ZSWIM4: variants seen among roughly 807,000 people sequenced by gnomAD.
The protein encoded by ZSWIM4 is zinc finger SWIM-type containing 4.
In ZSWIM4, 62 loss-of-function variants were observed where a neutral mutation model predicts 102.5. The observed-to-expected ratio is 0.60, with a 90% CI of 0.49 to 0.75. The LOEUF (loss-of-function observed/expected upper bound fraction) is 0.75. Among genes scored for constraint, ZSWIM4 ranks in the 30% least tolerant of loss-of-function variants. The pLI is 0.00. For missense variants in ZSWIM4, 1,280 were observed against 1,529.6 expected, an observed-to-expected ratio of 0.84 and a Z score of 2.72; for synonymous variants, 652 against 674.5, an observed-to-expected ratio of 0.97 and a Z score of 0.52.
chr19:13,808,758 AAAAG>A lies in ZSWIM4; in HGVS notation c.713-77_713-74del. ...CCGTCTCCAAAAAAAAAAAAAAAAA[AAAAG>A]GACAGCTCTCCTCAACCCAACCCAA... On this transcript the variant is annotated intron_variant, in intron 3 of 13. Transcript: ENST00000590508. 4 of 1,353,938 alleles carry A rather than the reference AAAAG, an allele frequency of 3.0e-6. No individual in the cohort carries two copies. The South Asian group carries it at 6.3e-5, about 21-fold the overall frequency. 83.9% of individuals were successfully genotyped at this position (1,353,938 alleles called of 1,614,324 possible).
rs760747804 is a variant in ZSWIM4 at position 13,825,739 on chromosome 19, AGGGCGATGGTGGCTC to A, written c.2379+30_2379+44del. ...GTGAGGGCTGCCAGGTGGATGCGGG[AGGGCGATGGTGGCTC>A]GGGGCCAGGACTGACTGTGAGCTGC... On this transcript the variant is annotated intron_variant, in intron 12 of 13. Coordinates refer to ENST00000590508, the MANE Select transcript of ZSWIM4 (RefSeq NM_001367834.3). The surrounding 1 kb of genome is among the most constrained non-coding windows in gnomAD (Gnocchi z 4.6). The A allele has an allele frequency of 4.4e-6, 7 of 1,595,334 alleles. No individual in the cohort carries two copies. The highest frequency in any genetic ancestry group is 2.7e-5 in the African/African-American group (2 of 74,792).
Position 13,823,509 on chromosome 19 carries a change from G to T in ZSWIM4, c.2215+9G>T, listed in dbSNP as rs371152133. On this transcript the variant is annotated intron_variant, in intron 11 of 13. Coordinates refer to ENST00000590508, the MANE Select transcript of ZSWIM4 (RefSeq NM_001367834.3). Reference sequence around the variant, plus strand: ...GTTGACGGCCGCCAAGGGTGAGGCTGGCAGCTGTCCCGATTCCTTTGTCTT... The same window carrying T: ...GTTGACGGCCGCCAAGGGTGAGGCTTGCAGCTGTCCCGATTCCTTTGTCTT... 2.6e-6 allele frequency: 4 copies of T among 1,559,084 alleles called. No homozygotes were observed. The African/African-American group carries it at 5.5e-5, about 21-fold the overall frequency.
intron 1 of ZSWIM4, 30 bp from the exon 2 acceptor site, chr19:13,799,690 A>G: frequency 6.2e-7 from 1 of 1,609,730 alleles, no homozygotes; most frequent in Non-Finnish European, 8.5e-7. Flanking sequence ...CATCAACCCC[A>G]GGCTCCTAAC....
chr19:13,800,085 T>TTTTTTTTTTTTTTTTTTTTTAG, intron 2 of ZSWIM4, among the ~76,000 whole-genome samples, 164 bp downstream of exon 2: 1 of 146,668 alleles, frequency 6.8e-6, no homozygotes, highest in African/African-American at 2.6e-5. Context: ...TTTTTTTTTT[T>TTTTTTTTTTTTTTTTTTTTTAG]GAGACGGAGT....
chr19:13,818,964 G>C (rs1165732172), intron 9 of ZSWIM4, among the ~76,000 whole-genome samples: 1 of 151,176 alleles, frequency 6.6e-6, no homozygotes. Context: ...CCGGGTTCAC[G>C]CCATTCTCCT....
At chr19:13,821,099 C>T (rs1568341643) in intron 10 of ZSWIM4, among the ~76,000 whole-genome samples, 1 of 152,052 alleles carries the variant, frequency 6.6e-6, no homozygotes, top group African/African-American at 2.4e-5. Context: ...GCCTGGCCAA[C>T]ATAGTGAAAA....
chr19:13,828,703 T>C lies in ZSWIM4; in HGVS notation c.2438T>C (p.Leu813Pro), dbSNP rs1975677305. The change falls in exon 13 of 14, where the codon CTG (leucine) becomes CCG (proline). Residue 813 changes from leucine to proline, a missense_variant. Coordinates refer to ENST00000590508, the MANE Select transcript of ZSWIM4 (RefSeq NM_001367834.3). ...CGGCGGAGGGAGATGGTGCGCTGGC[T>C]GGTCAGCTGTGCCACAGAGATTGGT... ...TWRRREMVRW[L>P]VSCATEIGPQ... The C allele has an allele frequency of 6.2e-7, 1 of 1,614,156 alleles. No homozygotes were observed. Among genetic ancestry groups the C allele is most frequent in the Non-Finnish European group, 8.5e-7 (1 of 1,180,014 alleles).
chr19:13,808,802 CCAGCCT>C, intron 3 of ZSWIM4, 28 bp from the exon 4 acceptor site: 1 of 1,557,796 alleles, frequency 6.4e-7, no homozygotes. Context: ...AACTCCAGCC[CCAGCCT>C]CAGCTTCCTT....
At chr19:13,796,751 C>G (rs1974622554) in intron 1 of ZSWIM4, 1 of 152,256 alleles carries the variant, frequency 6.6e-6, no homozygotes, top group African/African-American at 2.4e-5. Flanking sequence ...TCCCCTTTTT[C>G]AGCTTCAGTG....
chr19:13,810,862 G>A (rs549397726), intron 5 of ZSWIM4, among the ~76,000 whole-genome samples: 33 of 147,512 alleles, frequency 2.2e-4, no homozygotes, highest in Non-Finnish European at 4.0e-4. Context: ...CGCCCGCCTC[G>A]GCTTCCCAAA....
intron 5 of ZSWIM4, among the ~76,000 whole-genome samples, chr19:13,810,538 G>A (rs897360577): frequency 5.9e-5 from 9 of 151,954 alleles, no homozygotes; most frequent in African/African-American, 1.9e-4. Flanking sequence ...TGATCCACCC[G>A]CCTCAGCCTC....
chr19:13,817,304 G>C lies in ZSWIM4; in HGVS notation c.1620G>C (p.Ala540=), dbSNP rs944226861. The change falls in exon 8 of 14, where the codon GCG becomes GCC. Residue 540 remains alanine (A), a synonymous_variant. Transcript: ENST00000590508. ...ACCCCATTGGCTGCCTCTGCAGGGC[G>C]CTCCTGGAGGCCTGTCGTCTGGAGG... ...PLDPIGCLCR[A]LLEACRLEEE... 7 of 1,613,982 alleles carry C rather than the reference G, an allele frequency of 4.3e-6. No individual in the cohort carries two copies. The Middle Eastern group carries it at 9.9e-4, about 228-fold the overall frequency.
At chr19:13,829,003 A>C (rs1338086760) in intron 13 of ZSWIM4, among the ~76,000 whole-genome samples, 1 of 151,668 alleles carries the variant, frequency 6.6e-6, no homozygotes, top group African/African-American at 2.4e-5. Context: ...GGGAGGCTGA[A>C]GCAGGAGGAT....
chr19:13,800,854 G>A (rs543756356), intron 2 of ZSWIM4, among the ~76,000 whole-genome samples: 3 of 152,244 alleles, frequency 2.0e-5, no homozygotes, highest in African/African-American at 7.2e-5. Flanking sequence ...TGTAAAGGAG[G>A]GGTGAGGCCA....
At chr19:13,812,542 C>T (rs1362773905) in intron 5 of ZSWIM4, among the ~76,000 whole-genome samples, 1 of 151,276 alleles carries the variant, frequency 6.6e-6, no homozygotes, top group Non-Finnish European at 1.5e-5. Flanking sequence ...TCCCTGCAAC[C>T]TCCACCTCCC....
Position 13,809,217 on chromosome 19 carries a change from C to A in ZSWIM4, c.1009C>A (p.Leu337Met). The A allele has an allele frequency of 6.2e-7, 1 of 1,601,010 alleles. No individual in the cohort carries two copies. The highest frequency in any genetic ancestry group is 1.1e-5 in the South Asian group (1 of 90,590). ...TDKCRQLWDE[L>M]GALWVCVVLS... is the part of the protein sequence containing the mutation. ...CAAGTGCCGGCAGCTCTGGGATGAGCTGGGTGAGGCCCAAACCCCGGTGCG... is the reference window on the plus strand; with the variant it reads ...CAAGTGCCGGCAGCTCTGGGATGAGATGGGTGAGGCCCAAACCCCGGTGCG... The change falls in exon 5 of 14, where the codon CTG (leucine) becomes ATG (methionine). Residue 337 changes from leucine to methionine, a missense_variant. Leu to Met is a conservative substitution (Grantham distance 15). Coordinates refer to ENST00000590508, the MANE Select transcript of ZSWIM4 (RefSeq NM_001367834.3). The surrounding 1 kb of genome is among the most constrained non-coding windows in gnomAD (Gnocchi z 4.2).
rs148770836 is a variant in ZSWIM4 at position 13,825,692 on chromosome 19, C to T, written c.2358C>T (p.Ile786=). Reference sequence around the variant, plus strand: ...CACCAGACACCACGCTGCTGGGCATCGCACTGGAGCTGGGGCTGCAGGTGA... The same window carrying T: ...CACCAGACACCACGCTGCTGGGCATTGCACTGGAGCTGGGGCTGCAGGTGA... ...SAPPDTTLLG[I]ALELGLQVMR... The change falls in exon 12 of 14, where the codon ATC becomes ATT. Residue 786 remains isoleucine (I), a synonymous_variant. Coordinates refer to ENST00000590508, the MANE Select transcript of ZSWIM4 (RefSeq NM_001367834.3). The surrounding 1 kb of genome is among the most constrained non-coding windows in gnomAD (Gnocchi z 4.6). The T allele has an allele frequency of 1.9e-5, 31 of 1,610,734 alleles. No homozygotes were observed. Among genetic ancestry groups the T allele is most frequent in the South Asian group, 3.3e-5 (3 of 91,048 alleles).
chr19:13,828,194 A>G (rs1476079775), intron 12 of ZSWIM4, among the ~76,000 whole-genome samples: 1 of 152,130 alleles, frequency 6.6e-6, no homozygotes, highest in African/African-American at 2.4e-5. Flanking sequence ...GGATCACTTG[A>G]GGTCAGGAGT....
In ZSWIM4 at chr19:13,825,842, A is replaced by C; in HGVS notation, c.2379+129A>C. 1 of 1,265,460 alleles carries C rather than the reference A, an allele frequency of 7.9e-7. No homozygotes were observed. The highest frequency in any genetic ancestry group is 1.1e-6 in the Non-Finnish European group (1 of 935,264). 78.4% of individuals were successfully genotyped at this position (1,265,460 alleles called of 1,614,324 possible). ...TGGGGGCCCGGCATTTGCGTGAGCT[A>C]TTCCTCTGTGGCTGGGGACTGAGCG... is the stretch of plus-strand genomic sequence containing the variant. On this transcript the variant is annotated intron_variant, in intron 12 of 13. Coordinates refer to ENST00000590508, the MANE Select transcript of ZSWIM4 (RefSeq NM_001367834.3). The surrounding 1 kb of genome is among the most constrained non-coding windows in gnomAD (Gnocchi z 4.6).
Sources: gnomAD v4.1 joint callset for allele counts (sites outside exome capture counted in the v4.1 genomes callset) on GRCh38, gnomAD v4.1.1 for gene constraint, Gnocchi (gnomAD v3.1) non-coding constraint, MANE v1.5 for transcripts, NCBI Gene and HGNC (gene_info 2026-07-23, HGNC 2026-07-21) for gene names.